Variants in XPR1 observed in about 807,000 individuals in gnomAD.
XPR1 encodes xenotropic and polytropic retrovirus receptor 1.
Under a neutral mutation model 87.5 loss-of-function variants are expected in XPR1, and 28 were observed. That is an observed-to-expected ratio of 0.32 (90% CI 0.24 to 0.44). The LOEUF (loss-of-function observed/expected upper bound fraction) is 0.44, where lower values mean the gene tolerates loss of function less well. Ranked by LOEUF, XPR1 falls within the 20% of genes least tolerant of loss-of-function variation. The probability of loss-of-function intolerance (pLI) is 1.00; values close to 1 mark genes in which losing one functional copy is unlikely to be tolerated. For synonymous variants in XPR1, 300 were observed against 306.1 expected (o/e 0.98, Z 0.21); for missense variants, 559 against 862.3 (o/e 0.65, Z 4.41).
rs1345349368 is a variant in XPR1 at position 180,836,589 on chromosome 1, T to C, written c.1374T>C (p.Leu458=). The change falls in exon 11 of 15, where the codon CTT becomes CTC. Residue 458 remains leucine (L), a synonymous_variant. Coordinates refer to ENST00000367590, the MANE Select transcript of XPR1 (RefSeq NM_004736.4). ...RAIVQCIPAW[L]RFIQCLRRYR... is the part of the protein sequence containing the mutation. ...TTGTTCAGTGCATTCCTGCTTGGCT[T>C]CGCTTCATCCAGTGCCTGCGCCGAT... The C allele has an allele frequency of 1.2e-6, 2 of 1,614,090 alleles. No homozygotes were observed. Among genetic ancestry groups the C allele is most frequent in the Non-Finnish European group, 1.7e-6 (2 of 1,180,044 alleles).
intron 2 of XPR1, among the ~76,000 whole-genome samples, chr1:180,734,001 A>G (rs1478866760): frequency 6.6e-6 from 1 of 152,178 alleles, no homozygotes; most frequent in Non-Finnish European, 1.5e-5. Flanking sequence ...GGTTTTACTG[A>G]TGAGAGAAAC....
rs115958436 is a variant in XPR1, at chr1:180,866,249, C to A, written c.1668+2375C>A. Among the ~76,000 whole-genome samples, 389 of 151,824 alleles carry A rather than the reference C, an allele frequency of 2.6e-3. 2 individuals carry two copies. The highest frequency in any genetic ancestry group is 5.4e-3 in the South Asian group (26 of 4,810). On this transcript the variant is annotated intron_variant, in intron 12 of 14. Coordinates refer to ENST00000367590, the MANE Select transcript of XPR1 (RefSeq NM_004736.4). Reference sequence around the variant, plus strand: ...AAAAACAAAAAACTAAAACAAAAGGCAGATAGTTGGAATAAAATTCATCCA... The same window carrying A: ...AAAAACAAAAAACTAAAACAAAAGGAAGATAGTTGGAATAAAATTCATCCA...
At chr1:180,835,572 G>C (rs985004065) in intron 10 of XPR1, among the ~76,000 whole-genome samples, 2 of 152,026 alleles carry the variant, frequency 1.3e-5, no homozygotes, top group Non-Finnish European at 2.9e-5. Flanking sequence ...CATTGAGATA[G>C]AATATGTAAC....
chr1:180,811,146 C>G (rs1240953482), intron 6 of XPR1, among the ~76,000 whole-genome samples: 1 of 151,940 alleles, frequency 6.6e-6, no homozygotes, highest in Non-Finnish European at 1.5e-5. Flanking sequence ...AATCCACATA[C>G]TATAATTTAA....
chr1:180,864,064 A>G (rs1419314050), intron 12 of XPR1, among the ~76,000 whole-genome samples, 190 bp downstream of exon 12: 1 of 152,206 alleles, frequency 6.6e-6, no homozygotes, highest in African/African-American at 2.4e-5. Context: ...TACTATAGGA[A>G]ATCAAAACAA....
chr1:180,692,173 A>AT (rs1557959693), intron 2 of XPR1, among the ~76,000 whole-genome samples: 1 of 151,930 alleles, frequency 6.6e-6, no homozygotes, highest in African/African-American at 2.4e-5. Flanking sequence ...TCTAAGTTCC[A>AT]TTTTTCTGTT....
chr1:180,810,438 G>T (rs970373285), intron 6 of XPR1, among the ~76,000 whole-genome samples: 1 of 152,106 alleles, frequency 6.6e-6, no homozygotes, highest in Non-Finnish European at 1.5e-5. Flanking sequence ...AAACTTAGCT[G>T]GGCATGGTGG....
At chr1:180,840,542 G>GTGTT in intron 11 of XPR1, among the ~76,000 whole-genome samples, 1 of 129,580 alleles carries the variant, frequency 7.7e-6, no homozygotes, top group Non-Finnish European at 1.6e-5. Flanking sequence ...TTGTGTGTGT[G>GTGTT]TGTGTGTGTG....
At position 180,637,440 on chromosome 1, in the gene XPR1, T is replaced by C. The variant is rs924494750; in HGVS notation, c.69+5170T>C. On this transcript the variant is annotated intron_variant, in intron 1 of 14. Coordinates refer to ENST00000367590, the MANE Select transcript of XPR1 (RefSeq NM_004736.4). Reference sequence around the variant, plus strand: ...AACAACAAGAAAATGACAACAGAGCTGAGGTTTCTCCTTCTAGTACTAGCT... The same window carrying C: ...AACAACAAGAAAATGACAACAGAGCCGAGGTTTCTCCTTCTAGTACTAGCT... 5.9e-5 allele frequency among the ~76,000 whole-genome samples: 9 copies of C among 152,240 alleles called. No homozygotes were observed. In the South Asian group the frequency reaches 6.2e-4, roughly 10 times the overall value.
intron 2 of XPR1, among the ~76,000 whole-genome samples, chr1:180,756,057 C>G (rs924046958): frequency 2.0e-5 from 3 of 152,166 alleles, no homozygotes; most frequent in Non-Finnish European, 2.9e-5. Context: ...ATCAAGAGAT[C>G]ACAGTCACCA....
Position 180,824,886 on chromosome 1 carries a change from T to C in XPR1, c.897T>C (p.His299=). The change falls in exon 8 of 15, where the codon CAT becomes CAC. Residue 299 remains histidine (H), a synonymous_variant. Transcript: ENST00000367590. ...TYGWRQAGVN[H]VLIFELNPRS... is the part of the protein sequence containing the mutation. The stretch of plus-strand genomic sequence containing the variant: ...GTTGGAGACAGGCTGGAGTAAACCA[T>C]GTACTCATCTTTGAACTTAATCCGA... The C allele has an allele frequency of 1.9e-6, 3 of 1,614,038 alleles. No individual in the cohort carries two copies. Among genetic ancestry groups the C allele is most frequent in the South Asian group, 2.2e-5 (2 of 91,048 alleles).
chr1:180,773,333 G>A (rs1469790590), intron 2 of XPR1, among the ~76,000 whole-genome samples: 3 of 152,148 alleles, frequency 2.0e-5, no homozygotes, highest in African/African-American at 4.8e-5. Context: ...ACTGAAAATT[G>A]CTCAGGATAG....
chr1:180,797,483 A>G (rs563548130), intron 3 of XPR1, among the ~76,000 whole-genome samples: 18 of 152,350 alleles, frequency 1.2e-4, no homozygotes, highest in Admixed American at 2.6e-4. Flanking sequence ...ACAGGAAGTA[A>G]CAGGTCCTCT....
chr1:180,792,752 G>C (rs1246557649), intron 3 of XPR1, among the ~76,000 whole-genome samples: 1 of 151,540 alleles, frequency 6.6e-6, no homozygotes, highest in Non-Finnish European at 1.5e-5. Context: ...AATCATGAAG[G>C]CTATACCGTT....
chr1:180,695,999 G>C (rs928079083), intron 2 of XPR1, among the ~76,000 whole-genome samples: 24 of 151,486 alleles, frequency 1.6e-4, no homozygotes, highest in African/African-American at 5.6e-4. Context: ...GGATTGTATT[G>C]AATCTGTAGA....
chr1:180,668,501 G>A (rs983606505), intron 1 of XPR1, among the ~76,000 whole-genome samples: 1 of 152,022 alleles, frequency 6.6e-6, no homozygotes, highest in African/African-American at 2.4e-5. Flanking sequence ...GTCATGTTAG[G>A]TTTGAAATCC....
At chr1:180,761,420 A>G (rs1434904761) in intron 2 of XPR1, among the ~76,000 whole-genome samples, 1 of 152,250 alleles carries the variant, frequency 6.6e-6, no homozygotes, top group East Asian at 1.9e-4. Flanking sequence ...AAACAAATTT[A>G]CAAGAAAAAA....
At chr1:180,794,134 A>G (rs1039170146) in intron 3 of XPR1, among the ~76,000 whole-genome samples, 1 of 152,216 alleles carries the variant, frequency 6.6e-6, no homozygotes, top group African/African-American at 2.4e-5. Flanking sequence ...TGGGAACATC[A>G]TGTGTACTTA....
intron 2 of XPR1, among the ~76,000 whole-genome samples, chr1:180,749,297 G>A (rs1410735206): frequency 6.6e-6 from 1 of 152,184 alleles, no homozygotes; most frequent in Non-Finnish European, 1.5e-5. Context: ...ATTGTGAATA[G>A]CACAAAACAT....
Sources: gnomAD v4.1 joint callset for allele counts (sites outside exome capture counted in the v4.1 genomes callset) on GRCh38, gnomAD v4.1.1 for gene constraint, MANE v1.5 for transcripts, NCBI Gene and HGNC (gene_info 2026-07-23, HGNC 2026-07-21) for gene names.